DHX32: variants seen among roughly 807,000 people sequenced by gnomAD.
DHX32 encodes putative pre-mRNA-splicing factor ATP-dependent RNA helicase DHX32.
A neutral mutation model predicts 70.0 loss-of-function variants in DHX32; 51 were observed. The observed-to-expected ratio is 0.73, with a 90% confidence interval of 0.58 to 0.92. DHX32 has a LOEUF of 0.92. Among genes scored for constraint, DHX32 ranks in the 40% least tolerant of loss-of-function variants. The pLI is 0.00. For missense variants in DHX32, 762 were observed against 891.8 expected, an observed-to-expected ratio of 0.85 and a Z score of 1.85; for synonymous variants, 310 against 315.3, an observed-to-expected ratio of 0.98 and a Z score of 0.18.
At chr10:125,857,119 A>T (rs765917846) in intron 3 of DHX32, among the ~76,000 whole-genome samples, 5 of 152,272 alleles carry the variant, frequency 3.3e-5, no homozygotes, top group Admixed American at 3.3e-4. Context: ...AGCTGTTAGC[A>T]CTGATTTCGG....
At chr10:125,888,468 C>G (rs1944352115) in intron 1 of DHX32, among the ~76,000 whole-genome samples, 1 of 152,070 alleles carries the variant, frequency 6.6e-6, no homozygotes. Context: ...TTAACCAAAA[C>G]TTTATAAATA....
At position 125,866,692 on chromosome 10, in the gene DHX32, T is replaced by C. The variant is rs1463550212; in HGVS notation, c.476+298A>G. Among the ~76,000 whole-genome samples the C allele has an allele frequency of 6.6e-6, 1 of 152,202 alleles. No individual in the cohort carries two copies. Among genetic ancestry groups the C allele is most frequent in the African/African-American group, 2.4e-5 (1 of 41,460 alleles). On this transcript the variant is annotated intron_variant, in intron 2 of 10. Coordinates refer to ENST00000284690, the MANE Select transcript of DHX32 (RefSeq NM_018180.3). The surrounding 1 kb of genome is among the most constrained non-coding windows in gnomAD (Gnocchi z 4.8). ...CATGTGGCTTGCACACAGGCAATGA[T>C]GTGGACCCTGCATGAGGCATAGCTC...
intron 6 of DHX32, chr10:125,842,794 A>G (rs1854917380): frequency 2.1e-6 from 2 of 950,660 alleles, no homozygotes; most frequent in African/African-American, 3.5e-5. Context: ...AAAGAAATAA[A>G]GATAGCAAGC....
intron 3 of DHX32, among the ~76,000 whole-genome samples, chr10:125,859,248 T>G (rs562498604): frequency 6.6e-6 from 1 of 152,154 alleles, no homozygotes; most frequent in East Asian, 1.9e-4. Context: ...AGGGAGGCAG[T>G]GGAGAATGTC....
intron 1 of DHX32, among the ~76,000 whole-genome samples, chr10:125,878,149 C>T (rs1944295478): frequency 6.6e-6 from 1 of 152,166 alleles, no homozygotes; most frequent in East Asian, 1.9e-4. Flanking sequence ...GGGCTCAGGA[C>T]ATACCTCCCC....
intron 6 of DHX32, chr10:125,842,824 A>G: frequency 1.1e-6 from 1 of 938,426 alleles, no homozygotes; most frequent in Non-Finnish European, 1.3e-6. Flanking sequence ...CCATCTCTTT[A>G]TTTCTTTTAA....
Position 125,871,376 on chromosome 10 carries a change from C to T in DHX32, c.283-4193G>A, listed in dbSNP as rs575459316. Among the ~76,000 whole-genome samples the T allele has an allele frequency of 3.3e-5, 5 of 152,286 alleles. No homozygotes were observed. In the East Asian group the frequency reaches 7.7e-4, roughly 24 times the overall value. On this transcript the variant is annotated intron_variant, in intron 1 of 10. Coordinates refer to ENST00000284690, the MANE Select transcript of DHX32 (RefSeq NM_018180.3). ...AGTAGAAGACTGAACATATCCATATCGTGCTTAATGTAGGAATGTTTGCTT... is the reference window on the plus strand; with the variant it reads ...AGTAGAAGACTGAACATATCCATATTGTGCTTAATGTAGGAATGTTTGCTT...
intron 6 of DHX32, among the ~76,000 whole-genome samples, chr10:125,848,402 A>C (rs1944050568): frequency 6.6e-6 from 1 of 152,220 alleles, no homozygotes. Flanking sequence ...CCAGGATACA[A>C]GAGGGCAGAC....
chr10:125,867,440 T>C (rs1944227313), intron 1 of DHX32, among the ~76,000 whole-genome samples: 1 of 152,072 alleles, frequency 6.6e-6, no homozygotes, highest in Middle Eastern at 3.2e-3. Context: ...AAAAGGCAGA[T>C]AAAAATCAAG....
At chr10:125,860,550 C>G (rs918361760) in intron 2 of DHX32, among the ~76,000 whole-genome samples, 36 of 152,036 alleles carry the variant, frequency 2.4e-4, no homozygotes, top group African/African-American at 6.8e-4. Flanking sequence ...AAGTAACCAC[C>G]TATTTAAGGG....
intron 7 of DHX32, 178 bp downstream of exon 7, chr10:125,841,565 T>C (rs1854881120): frequency 7.0e-7 from 1 of 1,429,990 alleles, no homozygotes; most frequent in South Asian, 1.6e-5. Context: ...TTTTTCATAT[T>C]AAGAAAATTT....
rs1854764595 is a variant in DHX32, at chr10:125,838,321, G to A, written c.1948C>T (p.His650Tyr). 6.2e-7 allele frequency: 1 copy of A among 1,613,716 alleles called. No homozygotes were observed. Among genetic ancestry groups the A allele is most frequent in the Non-Finnish European group, 8.5e-7 (1 of 1,179,974 alleles). The part of the protein sequence containing the change: ...MLTHKQVAQL[H>Y]PLSGYSITKK... ...GTGATTGAGTAACCAGACAGGGGAT[G>A]CAGCTGAGCAACCTGCTTATGTGTC... The change falls in exon 10 of 11, where the codon CAT (histidine) becomes TAT (tyrosine). Residue 650 changes from histidine to tyrosine, a missense_variant. Physicochemically the swap from His to Tyr is moderately conservative, Grantham distance 83. Coordinates refer to ENST00000284690, the MANE Select transcript of DHX32 (RefSeq NM_018180.3).
chr10:125,842,045 T>C, intron 6 of DHX32, 111 bp from the exon 7 acceptor site: 1 of 1,331,460 alleles, frequency 7.5e-7, no homozygotes. Context: ...ACAAAATATG[T>C]GAAACAACGG....
chr10:125,846,214 A>G (rs1944017445), intron 6 of DHX32, among the ~76,000 whole-genome samples: 1 of 152,162 alleles, frequency 6.6e-6, no homozygotes, highest in Non-Finnish European at 1.5e-5. Context: ...AGCTGGCCCC[A>G]GGTTTTTGTA....
chr10:125,896,467 G>C (rs1467036984), upstream of DHX32: 10 of 1,136,982 alleles, frequency 8.8e-6, no homozygotes, highest in Non-Finnish European at 1.1e-5. Flanking sequence ...CCGGCGACGC[G>C]CGGGTCCTCA....
intron 2 of DHX32, among the ~76,000 whole-genome samples, chr10:125,865,545 TC>T (rs1404483287): frequency 2.0e-5 from 3 of 152,000 alleles, no homozygotes; most frequent in Non-Finnish European, 4.4e-5. Flanking sequence ...TTTCTTTTTT[TC>T]TGGGACAGGG....
intron 2 of DHX32, among the ~76,000 whole-genome samples, 194 bp from the exon 3 acceptor site, chr10:125,860,169 A>G (rs767744938): frequency 1.3e-5 from 2 of 152,190 alleles, no homozygotes; most frequent in South Asian, 2.1e-4. Flanking sequence ...AACAAGATTT[A>G]TACCCAGTTT....
chr10:125,870,324 A>T (rs1944248436), intron 1 of DHX32, among the ~76,000 whole-genome samples: 2 of 152,232 alleles, frequency 1.3e-5, no homozygotes, highest in East Asian at 1.9e-4. Flanking sequence ...TCTGGAAGAC[A>T]TGAAGGCCAA....
chr10:125,893,714 T>G (rs1385041897), intron 1 of DHX32, among the ~76,000 whole-genome samples: 1 of 152,112 alleles, frequency 6.6e-6, no homozygotes, highest in African/African-American at 2.4e-5. Context: ...TCAGAAAGTA[T>G]CAGATAGAGA....
Sources: gnomAD v4.1 joint callset for allele counts (sites outside exome capture counted in the v4.1 genomes callset) on GRCh38, gnomAD v4.1.1 for gene constraint, Gnocchi (gnomAD v3.1) non-coding constraint, MANE v1.5 for transcripts, NCBI Gene and HGNC (gene_info 2026-07-23, HGNC 2026-07-21) for gene names.